The following RBFOX1 variants were observed in gnomAD, a reference collection of about 807,000 sequenced individuals.
The protein encoded by RBFOX1 is RNA binding fox-1 homolog 1, also known as RNA binding protein fox-1 homolog 1.
Under a neutral mutation model 57.7 loss-of-function variants are expected in RBFOX1, and 8 were observed. That is an observed-to-expected ratio of 0.14 (90% CI 0.08 to 0.25). RBFOX1 has a LOEUF of 0.25. Among genes scored for constraint, RBFOX1 ranks in the 10% least tolerant of loss-of-function variants. The pLI is 1.00. For synonymous variants in RBFOX1, 326 were observed against 222.4 expected (o/e 1.47, Z -4.15); for missense variants, 611 against 548.5 (o/e 1.11, Z -1.14).
chr16:6,905,208 T>G lies in RBFOX1; in HGVS notation c.-15-146849T>G, dbSNP rs140146390. Among the ~76,000 whole-genome samples, 5 of 152,188 alleles carry G rather than the reference T, an allele frequency of 3.3e-5. No individual in the cohort carries two copies. In the East Asian group the frequency reaches 9.7e-4, roughly 29 times the overall value. ...TTTTTTTCTCAATAACACTTGTTCC[T>G]TAGCCCTTTCTTCCTAGCTAACAGT... On this transcript the variant is annotated intron_variant, in intron 3 of 15. Coordinates refer to ENST00000550418, the MANE Select transcript of RBFOX1 (RefSeq NM_018723.4).
intron 2 of RBFOX1, among the ~76,000 whole-genome samples, chr16:6,414,163 T>C (rs554272476): frequency 9.8e-5 from 15 of 152,320 alleles, no homozygotes; most frequent in African/African-American, 3.4e-4. Context: ...TGGAGGCTTT[T>C]TAAGCAGGGG....
At chr16:6,168,438 A>G (rs1597999906) in intron 1 of RBFOX1, among the ~76,000 whole-genome samples, 1 of 152,172 alleles carries the variant, frequency 6.6e-6, no homozygotes, top group Admixed American at 6.6e-5. Context: ...TCAGGCTCCC[A>G]AAGATGTTGG....
At chr16:6,515,157 G>C (rs1404809316) in intron 2 of RBFOX1, among the ~76,000 whole-genome samples, 1 of 152,130 alleles carries the variant, frequency 6.6e-6, no homozygotes, top group Non-Finnish European at 1.5e-5. Flanking sequence ...GTCAGACCTT[G>C]ACATTTCATT....
intron 4 of RBFOX1, among the ~76,000 whole-genome samples, chr16:7,462,459 C>G (rs538268473): frequency 6.6e-6 from 1 of 152,330 alleles, no homozygotes; most frequent in South Asian, 2.1e-4. Flanking sequence ...CCATTGCACG[C>G]CAGCCTGGGC....
rs2081870682 is a variant in RBFOX1 at position 7,704,667 on chromosome 16, T to G, written c.996-4389T>G. On this transcript the variant is annotated intron_variant, in intron 14 of 15. Transcript: ENST00000550418. ...GTTCTCGTTCCAGGAGGGTGAAAGGTAAATGATCAGGTGGAGTGGGAAATA... is the reference window on the plus strand; with the variant it reads ...GTTCTCGTTCCAGGAGGGTGAAAGGGAAATGATCAGGTGGAGTGGGAAATA... 9.2e-5 allele frequency among the ~76,000 whole-genome samples: 14 copies of G among 152,208 alleles called. No individual in the cohort carries two copies. The South Asian group carries it at 2.9e-3, about 32-fold the overall frequency.
intron 3 of RBFOX1, among the ~76,000 whole-genome samples, chr16:6,937,664 C>T (rs56196475): frequency 2.0e-5 from 3 of 151,888 alleles, no homozygotes; most frequent in African/African-American, 4.8e-5. Context: ...GGGTATGGTG[C>T]GATGGGCTTC....
intron 4 of RBFOX1, among the ~76,000 whole-genome samples, chr16:7,060,260 T>G (rs1285903320): frequency 1.3e-5 from 2 of 152,262 alleles, no homozygotes; most frequent in East Asian, 3.9e-4. Context: ...TCAATAAAAC[T>G]TTATTTACAA....
chr16:7,534,593 T>G (rs1412991096), intron 5 of RBFOX1, among the ~76,000 whole-genome samples: 1 of 152,084 alleles, frequency 6.6e-6, no homozygotes, highest in Non-Finnish European at 1.5e-5. Flanking sequence ...TTGGGTAAAG[T>G]CGTTAGTGCG....
chr16:6,301,977 GA>G (rs2078874032), intron 1 of RBFOX1, among the ~76,000 whole-genome samples: 3 of 152,048 alleles, frequency 2.0e-5, no homozygotes, highest in Admixed American at 2.0e-4. Context: ...CAAACTCAGG[GA>G]AAAATCAGAA....
intron 3 of RBFOX1, among the ~76,000 whole-genome samples, chr16:5,844,210 G>C (rs546279029): frequency 6.6e-6 from 1 of 152,286 alleles, no homozygotes; most frequent in African/African-American, 2.4e-5. Flanking sequence ...TTTACCATGA[G>C]GGTTATTATG....
At chr16:7,026,789 T>G (rs2041090509) in intron 3 of RBFOX1, among the ~76,000 whole-genome samples, 1 of 152,242 alleles carries the variant, frequency 6.6e-6, no homozygotes, top group Non-Finnish European at 1.5e-5. Flanking sequence ...TATGCCACCT[T>G]TAAATGAGAT....
At chr16:5,921,567 C>G (rs1313254410) in intron 4 of RBFOX1, among the ~76,000 whole-genome samples, 1 of 152,108 alleles carries the variant, frequency 6.6e-6, no homozygotes, top group Non-Finnish European at 1.5e-5. Flanking sequence ...ATAATAGCAA[C>G]TATTTCTGGA....
chr16:5,753,862 A>T (rs2053302130), intron 3 of RBFOX1, among the ~76,000 whole-genome samples: 1 of 151,986 alleles, frequency 6.6e-6, no homozygotes. Context: ...TCATTGAAAA[A>T]AAAAAACACA....
chr16:6,615,215 T>C (rs1227686998), intron 2 of RBFOX1, among the ~76,000 whole-genome samples: 6 of 152,212 alleles, frequency 3.9e-5, no homozygotes, highest in Non-Finnish European at 8.8e-5. Flanking sequence ...GAATGAAAAC[T>C]TCTTATACAG....
At chr16:6,560,027 T>G (rs1029960305) in intron 2 of RBFOX1, among the ~76,000 whole-genome samples, 2 of 152,146 alleles carry the variant, frequency 1.3e-5, no homozygotes, top group Non-Finnish European at 2.9e-5. Flanking sequence ...AAAAATCACT[T>G]ACTACCTATG....
intron 2 of RBFOX1, among the ~76,000 whole-genome samples, chr16:6,319,311 A>T (rs1331933930): frequency 6.6e-6 from 1 of 151,848 alleles, no homozygotes; most frequent in African/African-American, 2.4e-5. Flanking sequence ...TTCTTGTTTA[A>T]TTTTTTCCAG....
chr16:5,954,374 G>T (rs2152280084), intron 4 of RBFOX1, among the ~76,000 whole-genome samples: 1 of 151,830 alleles, frequency 6.6e-6, no homozygotes, highest in South Asian at 2.1e-4. Context: ...GTGGTGCCGG[G>T]TCTCTTCTTT....
chr16:6,780,452 A>G (rs1567217598), intron 3 of RBFOX1, among the ~76,000 whole-genome samples: 2 of 89,060 alleles, frequency 2.2e-5, no homozygotes, highest in Non-Finnish European at 4.0e-5. Context: ...TTATATATAC[A>G]TTTTTATATA....
chr16:6,121,806 C>A (rs2096551881), intron 1 of RBFOX1, among the ~76,000 whole-genome samples: 2 of 152,210 alleles, frequency 1.3e-5, no homozygotes, highest in Non-Finnish European at 2.9e-5. Flanking sequence ...GAAGGAATAA[C>A]TAATGGTACC....
Sources: allele counts gnomAD v4.1 joint callset (sites outside exome capture counted in the v4.1 genomes callset), GRCh38; gene constraint gnomAD v4.1.1; transcripts MANE v1.5; gene names NCBI Gene and HGNC (gene_info 2026-07-23, HGNC 2026-07-21).